GPR176: variants seen among roughly 807,000 people sequenced by gnomAD.
GPR176 encodes the protein G-protein coupled receptor 176.
GPR176 carries 26 observed loss-of-function variants against 35.4 expected under a neutral mutation model. The ratio of observed to expected loss-of-function variants is 0.74; its 90% CI spans 0.54 to 1.02. The LOEUF (loss-of-function observed/expected upper bound fraction) is 1.02. GPR176 is among the 50% of genes least tolerant of loss of function. The probability of loss-of-function intolerance (pLI) is 0.00; values close to 1 mark genes in which losing one functional copy is unlikely to be tolerated. For missense variants in GPR176, 597 were observed against 665.3 expected, an observed-to-expected ratio of 0.90 and a Z score of 1.13; for synonymous variants, 278 against 271.3, an observed-to-expected ratio of 1.02 and a Z score of -0.24.
chr15:39,807,616 T>C (rs1899284754), intron 1 of GPR176: 2 of 1,083,344 alleles, frequency 1.8e-6, no homozygotes, highest in South Asian at 1.3e-5. Flanking sequence ...GACCTCCATG[T>C]TGCCAAACTC....
chr15:39,909,319 A>G lies in GPR176; in HGVS notation c.172+10536T>C, dbSNP rs116410557. ...ACTACTTCCTCACGTAATAGTTGGT[A>G]CATGGCAACAGCTTCATGGTTTCTG... On this transcript the variant is annotated intron_variant, in intron 1 of 2. Coordinates refer to ENST00000561100, the MANE Select transcript of GPR176 (RefSeq NM_007223.3). Among the ~76,000 whole-genome samples, 712 of 152,338 alleles carry G rather than the reference A, an allele frequency of 4.7e-3. 6 individuals carry two copies. Among genetic ancestry groups the G allele is most frequent in the African/African-American group, 0.016 (684 of 41,574 alleles).
intron 1 of GPR176, among the ~76,000 whole-genome samples, chr15:39,915,704 G>A (rs997012337): frequency 1.6e-4 from 24 of 151,942 alleles, no homozygotes; most frequent in African/African-American, 4.4e-4. Flanking sequence ...GTGAAACCCC[G>A]TCTCTACTAA....
rs1470808654 is a variant in GPR176, at chr15:39,799,009, T to G, written c.*2123A>C. The G allele has an allele frequency of 2.0e-5, 3 of 152,258 alleles. No homozygotes were observed. Among genetic ancestry groups the G allele is most frequent in the Non-Finnish European group, 4.4e-5 (3 of 68,042 alleles). 9.4% of individuals were successfully genotyped at this position (152,258 alleles called of 1,614,324 possible). On this transcript the variant is annotated 3_prime_UTR_variant, in exon 3 of 3. Transcript: ENST00000561100. Reference sequence around the variant, plus strand: ...AAAATATAGCTCATAAAACTTTTCTTGAGTTCAGAAACTGCTTTTCAATTT... The same window carrying G: ...AAAATATAGCTCATAAAACTTTTCTGGAGTTCAGAAACTGCTTTTCAATTT...
chr15:39,894,580 C>T lies in GPR176; in HGVS notation c.172+25275G>A, dbSNP rs1249839693. 202 of 180,684 alleles carry T rather than the reference C, an allele frequency of 1.1e-3. 1 individual carries two copies. Among genetic ancestry groups the T allele is most frequent in the African/African-American group, 3.2e-3 (134 of 41,308 alleles). The allele number at this position is 180,684 out of a possible 1,614,324, so 11.2% of individuals were successfully genotyped here. A position where few individuals can be genotyped will look rare whatever the true frequency, so the allele number is the denominator to read the frequency against. On this transcript the variant is annotated intron_variant, in intron 1 of 2. Coordinates refer to ENST00000561100, the MANE Select transcript of GPR176 (RefSeq NM_007223.3). Reference sequence around the variant, plus strand: ...GCAGAGGTGCTCCTCACATCCCAGACGGGGCGGCAGGGCAGAGGCGCTCCC... The same window carrying T: ...GCAGAGGTGCTCCTCACATCCCAGATGGGGCGGCAGGGCAGAGGCGCTCCC...
At chr15:39,803,433 C>T (rs1741024440) in intron 2 of GPR176, among the ~76,000 whole-genome samples, 1 of 151,920 alleles carries the variant, frequency 6.6e-6, no homozygotes. Context: ...GCATGCACTA[C>T]CACGCCTGGC....
chr15:39,870,511 T>C (rs911098871), intron 1 of GPR176, among the ~76,000 whole-genome samples: 1 of 152,200 alleles, frequency 6.6e-6, no homozygotes, highest in African/African-American at 2.4e-5. Flanking sequence ...TTATTTGTGA[T>C]ATCTTACAAC....
At chr15:39,842,858 G>A (rs1284886736) in intron 1 of GPR176, among the ~76,000 whole-genome samples, 5 of 152,092 alleles carry the variant, frequency 3.3e-5, no homozygotes, top group African/African-American at 1.2e-4. Context: ...GGGGCTGAGG[G>A]AGAACTTGCT....
chr15:39,831,511 A>G (rs993762581), intron 1 of GPR176, among the ~76,000 whole-genome samples: 1 of 152,034 alleles, frequency 6.6e-6, no homozygotes, highest in Admixed American at 6.6e-5. Context: ...CCTGCCCCCA[A>G]ATGTTCCTGC....
At chr15:39,852,170 CA>C (rs1350301979) in intron 1 of GPR176, among the ~76,000 whole-genome samples, 1 of 152,034 alleles carries the variant, frequency 6.6e-6, no homozygotes, top group Non-Finnish European at 1.5e-5. Flanking sequence ...TTATGAGAAA[CA>C]GGGAAAAAAT....
At chr15:39,898,393 G>A (rs1374462881) in intron 1 of GPR176, among the ~76,000 whole-genome samples, 1 of 152,052 alleles carries the variant, frequency 6.6e-6, no homozygotes, top group Non-Finnish European at 1.5e-5. Context: ...GAAAACACAG[G>A]TGTCCTTCCT....
intron 1 of GPR176, among the ~76,000 whole-genome samples, chr15:39,831,188 C>T (rs1407643001): frequency 6.6e-6 from 1 of 152,120 alleles, no homozygotes; most frequent in East Asian, 1.9e-4. Flanking sequence ...ACTGCCAAAC[C>T]TCAGCAGATA....
intron 1 of GPR176, among the ~76,000 whole-genome samples, chr15:39,839,745 T>C (rs1167968697): frequency 6.6e-6 from 1 of 152,122 alleles, no homozygotes; most frequent in Non-Finnish European, 1.5e-5. Flanking sequence ...AAAGGGCTAA[T>C]ATCCAGAATC....
intron 1 of GPR176, among the ~76,000 whole-genome samples, chr15:39,872,970 C>T (rs1381678346): frequency 2.8e-5 from 4 of 143,364 alleles, no homozygotes; most frequent in Non-Finnish European, 6.1e-5. Context: ...TGTGTGTAAT[C>T]ATGAGAGTAA....
chr15:39,832,141 T>C (rs945502841), intron 1 of GPR176, among the ~76,000 whole-genome samples: 1 of 152,078 alleles, frequency 6.6e-6, no homozygotes, highest in East Asian at 1.9e-4. Flanking sequence ...AGCCATTAGA[T>C]AAATGCAAAT....
At chr15:39,888,260 G>T (rs275738) in intron 1 of GPR176, among the ~76,000 whole-genome samples, 83 of 148,048 alleles carry the variant, frequency 5.6e-4, no homozygotes, top group African/African-American at 1.9e-3. Flanking sequence ...TTTGGGGGGT[G>T]AAGGGAATCT....
chr15:39,873,229 G>C (rs959266329), intron 1 of GPR176, among the ~76,000 whole-genome samples: 2 of 152,178 alleles, frequency 1.3e-5, no homozygotes, highest in African/African-American at 2.4e-5. Flanking sequence ...GCTTAGAGAA[G>C]TTAAGCAGCT....
rs1427432360 is a variant in GPR176, at chr15:39,811,875, C to A, written c.173-4617G>T. 2.0e-5 allele frequency among the ~76,000 whole-genome samples: 3 copies of A among 149,972 alleles called. No individual in the cohort carries two copies. The East Asian group carries it at 5.9e-4, about 29-fold the overall frequency. Reference sequence around the variant, plus strand: ...AGCTTGCAGTGAGCCGAGATTGCGCCATTGCACTCCAGCCTGGGTGACAGA... The same window carrying A: ...AGCTTGCAGTGAGCCGAGATTGCGCAATTGCACTCCAGCCTGGGTGACAGA... On this transcript the variant is annotated intron_variant, in intron 1 of 2. Transcript: ENST00000561100.
At chr15:39,861,875 T>C (rs1344880268) in intron 1 of GPR176, among the ~76,000 whole-genome samples, 1 of 152,228 alleles carries the variant, frequency 6.6e-6, no homozygotes, top group Non-Finnish European at 1.5e-5. Flanking sequence ...GTCTTTAGAA[T>C]CAATGTTGAA....
At chr15:39,871,485 AT>A (rs1227345050) in intron 1 of GPR176, among the ~76,000 whole-genome samples, 1 of 152,224 alleles carries the variant, frequency 6.6e-6, no homozygotes. Context: ...ATTGCAAAGT[AT>A]TTCTGTAGAG....
Sources: allele counts gnomAD v4.1 joint callset (sites outside exome capture counted in the v4.1 genomes callset), GRCh38; gene constraint gnomAD v4.1.1; transcripts MANE v1.5; gene names NCBI Gene and HGNC (gene_info 2026-07-23, HGNC 2026-07-21).